The following STAT4 variants were observed in gnomAD, a reference collection of about 807,000 sequenced individuals.
STAT4 encodes signal transducer and activator of transcription 4.
In STAT4, 42 loss-of-function variants were observed where a neutral mutation model predicts 110.5. That is an observed-to-expected ratio of 0.38 (90% confidence interval 0.30 to 0.49). The LOEUF (loss-of-function observed/expected upper bound fraction) is 0.49, where lower values mean the gene tolerates loss of function less well. STAT4 is among the 20% of genes least tolerant of loss of function. STAT4 has a pLI of 0.95. For synonymous variants in STAT4, 284 were observed against 302.2 expected, an observed-to-expected ratio of 0.94 and a Z score of 0.63; for missense variants, 632 against 887.9, an observed-to-expected ratio of 0.71 and a Z score of 3.66.
At chr2:191,063,072 GTTTTTA>G in intron 8 of STAT4, 152 bp from the exon 9 acceptor site, 2 of 693,502 alleles carry the variant, frequency 2.9e-6, no homozygotes, top group Non-Finnish European at 4.1e-6. Flanking sequence ...GTTAGAGACA[GTTTTTA>G]TTTTTATTTT....
rs1467543821 is a variant in STAT4 at position 191,135,573 on chromosome 2, A to C, written c.273+11040T>G. Among the ~76,000 whole-genome samples, 2 of 152,170 alleles carry C rather than the reference A, an allele frequency of 1.3e-5. No individual in the cohort carries two copies. Among genetic ancestry groups the C allele is most frequent in the Non-Finnish European group, 2.9e-5 (2 of 68,040 alleles). ...ACTGCAACCTCCGCCTCCCAGGCTCAAGTGATTCTCCTCCTCATGAGTAGC... is the reference window on the plus strand; with the variant it reads ...ACTGCAACCTCCGCCTCCCAGGCTCCAGTGATTCTCCTCCTCATGAGTAGC... On this transcript the variant is annotated intron_variant, in intron 3 of 23. Coordinates refer to ENST00000392320, the MANE Select transcript of STAT4 (RefSeq NM_003151.4). This position sits in a 1 kb window ranked among gnomAD's most constrained non-coding sequence, Gnocchi z 4.8.
At chr2:191,076,458 T>C in intron 3 of STAT4, 133 bp from the exon 4 acceptor site, 1 of 673,654 alleles carries the variant, frequency 1.5e-6, no homozygotes, top group African/African-American at 1.8e-5. Context: ...TTTGTTCCAA[T>C]ACTCTGTTCC....
intron 3 of STAT4, among the ~76,000 whole-genome samples, chr2:191,106,219 G>A (rs1574160214): frequency 6.6e-6 from 1 of 152,098 alleles, no homozygotes. Flanking sequence ...AAAAGAAACC[G>A]TAACCCTTGG....
intron 3 of STAT4, among the ~76,000 whole-genome samples, chr2:191,129,668 C>T (rs1465786386): frequency 1.3e-5 from 2 of 152,182 alleles, no homozygotes; most frequent in African/African-American, 4.8e-5. Flanking sequence ...GTTCATTTAA[C>T]CGCCAGAATG....
In STAT4 at chr2:191,036,873, T is replaced by C. The variant is rs114098298; in HGVS notation, c.1435-574A>G. Among the ~76,000 whole-genome samples, 1,098 of 152,286 alleles carry C rather than the reference T, an allele frequency of 7.2e-3. 15 individuals are homozygous for C. Among genetic ancestry groups the C allele is most frequent in the African/African-American group, 0.023 (974 of 41,562 alleles). Reference sequence around the variant, plus strand: ...GTAATTCAATATATAGGATTCCTAATTTAAAGTCTTTTGGCCAACCTAAGT... The same window carrying C: ...GTAATTCAATATATAGGATTCCTAACTTAAAGTCTTTTGGCCAACCTAAGT... On this transcript the variant is annotated intron_variant, in intron 16 of 23. Coordinates refer to ENST00000392320, the MANE Select transcript of STAT4 (RefSeq NM_003151.4).
intron 3 of STAT4, among the ~76,000 whole-genome samples, chr2:191,111,147 G>T (rs1698411550): frequency 6.6e-6 from 1 of 152,132 alleles, no homozygotes; most frequent in African/African-American, 2.4e-5. Context: ...CAAAAATATA[G>T]ATTTTATATG....
In STAT4 at chr2:191,058,816, T is replaced by C; in HGVS notation, c.1035-47A>G. On this transcript the variant is annotated intron_variant, in intron 10 of 23. Coordinates refer to ENST00000392320, the MANE Select transcript of STAT4 (RefSeq NM_003151.4). This position sits in a 1 kb window ranked among gnomAD's most constrained non-coding sequence, Gnocchi z 4.3. ...AAAAATCAAAGATAAAAATTAAAAG[T>C]GTTTAAAAACCCTTTTTTATATTTA... The C allele has an allele frequency of 1.7e-6, 2 of 1,206,026 alleles. No individual in the cohort carries two copies. The highest frequency in any genetic ancestry group is 1.2e-6 in the Non-Finnish European group (1 of 841,956). The allele number at this position is 1,206,026 out of a possible 1,614,324, so 74.7% of individuals were successfully genotyped here.
intron 3 of STAT4, among the ~76,000 whole-genome samples, chr2:191,132,080 C>T (rs1169537296): frequency 2.0e-5 from 3 of 151,740 alleles, no homozygotes; most frequent in Admixed American, 6.6e-5. Flanking sequence ...TCATTCTTCA[C>T]ATTAAATCCT....
chr2:191,084,211 G>A (rs187001476), intron 3 of STAT4, among the ~76,000 whole-genome samples: 15 of 151,688 alleles, frequency 9.9e-5, no homozygotes, highest in African/African-American at 2.7e-4. Context: ...GCAGTGAGCC[G>A]AGATCATGCC....
At chr2:191,141,593 ATG>A (rs1286383829) in intron 3 of STAT4, among the ~76,000 whole-genome samples, 1 of 84,938 alleles carries the variant, frequency 1.2e-5, no homozygotes, top group African/African-American at 3.8e-5. Flanking sequence ...ATACATATAT[ATG>A]TGTATATATA....
At chr2:191,063,562 T>C (rs1696905579) in intron 8 of STAT4, among the ~76,000 whole-genome samples, 1 of 152,142 alleles carries the variant, frequency 6.6e-6, no homozygotes. Context: ...AAGATTGAAA[T>C]GGACACGGAA....
At position 191,050,887 on chromosome 2, in the gene STAT4, G is replaced by A. The variant is rs1574709292; in HGVS notation, c.1251+3603C>T. Among the ~76,000 whole-genome samples the A allele has an allele frequency of 6.6e-6, 1 of 152,180 alleles. No homozygotes were observed. Among genetic ancestry groups the A allele is most frequent in the Non-Finnish European group, 1.5e-5 (1 of 68,036 alleles). ...TCTTGGGTAATCTCAAACAGTCACAGGGTGCTGCAAATCTAGGGAGGTCTG... is the reference window on the plus strand; with the variant it reads ...TCTTGGGTAATCTCAAACAGTCACAAGGTGCTGCAAATCTAGGGAGGTCTG... On this transcript the variant is annotated intron_variant, in intron 14 of 23. Transcript: ENST00000392320. The surrounding 1 kb of genome is among the most constrained non-coding windows in gnomAD (Gnocchi z 4.3).
rs904210306 is a variant in STAT4 at position 191,144,401 on chromosome 2, C to A, written c.273+2212G>T. Among the ~76,000 whole-genome samples the A allele has an allele frequency of 6.6e-6, 1 of 152,000 alleles. No individual in the cohort carries two copies. Among genetic ancestry groups the A allele is most frequent in the Non-Finnish European group, 1.5e-5 (1 of 68,000 alleles). On this transcript the variant is annotated intron_variant, in intron 3 of 23. Coordinates refer to ENST00000392320, the MANE Select transcript of STAT4 (RefSeq NM_003151.4). This position sits in a 1 kb window ranked among gnomAD's most constrained non-coding sequence, Gnocchi z 4.7. The stretch of plus-strand genomic sequence containing the variant: ...GGAAGAGCATTCCTGGCCATAGGAC[C>A]GTCATGGACAAGGCTGAGTCATTCA...
At chr2:191,137,172 G>A (rs923461397) in intron 3 of STAT4, among the ~76,000 whole-genome samples, 6 of 151,908 alleles carry the variant, frequency 3.9e-5, no homozygotes, top group African/African-American at 1.2e-4. Flanking sequence ...GTGAAACCCC[G>A]TCTCTAGTAA....
At position 191,082,218 on chromosome 2, in the gene STAT4, C is replaced by T. The variant is rs1322142370; in HGVS notation, c.274-5893G>A. On this transcript the variant is annotated intron_variant, in intron 3 of 23. Coordinates refer to ENST00000392320, the MANE Select transcript of STAT4 (RefSeq NM_003151.4). The surrounding 1 kb of genome is among the most constrained non-coding windows in gnomAD (Gnocchi z 4.7). ...CATCCTATAAAGGATTTTATTGTTG[C>T]TTTCCAAGAAAACTTGGAATTTAGG... is the stretch of plus-strand genomic sequence containing the variant. Among the ~76,000 whole-genome samples, 4 of 152,256 alleles carry T rather than the reference C, an allele frequency of 2.6e-5. No individual in the cohort carries two copies. Among genetic ancestry groups the T allele is most frequent in the Admixed American group, 1.3e-4 (2 of 15,270 alleles).
intron 3 of STAT4, among the ~76,000 whole-genome samples, chr2:191,122,360 TTGA>T (rs1231462247): frequency 6.6e-6 from 1 of 151,474 alleles, no homozygotes; most frequent in Non-Finnish European, 1.5e-5. Flanking sequence ...ATAACATGTG[TTGA>T]CTAGGAAGTA....
chr2:191,127,349 A>G (rs1442643666), intron 3 of STAT4, among the ~76,000 whole-genome samples: 2 of 152,158 alleles, frequency 1.3e-5, no homozygotes, highest in African/African-American at 4.8e-5. Flanking sequence ...TCATGTTGTC[A>G]TGTTCTTGCT....
chr2:191,043,478 C>A lies in STAT4; in HGVS notation c.1252-2330G>T, dbSNP rs1696263301. 6.6e-6 allele frequency among the ~76,000 whole-genome samples: 1 copy of A among 152,098 alleles called. No homozygotes were observed. Among genetic ancestry groups the A allele is most frequent in the African/African-American group, 2.4e-5 (1 of 41,422 alleles). ...TTATATACCACTTATGCAATTGTTACAATCACTTTGGAGAACAATTCCTCA... is the reference window on the plus strand; with the variant it reads ...TTATATACCACTTATGCAATTGTTAAAATCACTTTGGAGAACAATTCCTCA... On this transcript the variant is annotated intron_variant, in intron 14 of 23. Coordinates refer to ENST00000392320, the MANE Select transcript of STAT4 (RefSeq NM_003151.4). The surrounding 1 kb of genome is among the most constrained non-coding windows in gnomAD (Gnocchi z 4.8).
Position 191,077,175 on chromosome 2 carries a change from T to G in STAT4, c.274-850A>C, listed in dbSNP as rs998995512. The stretch of plus-strand genomic sequence containing the variant: ...AGGTTAATGATGCAGATACTGTAAA[T>G]TGGCAGCCTGTGGGCCTAATTCAGC... On this transcript the variant is annotated intron_variant, in intron 3 of 23. Coordinates refer to ENST00000392320, the MANE Select transcript of STAT4 (RefSeq NM_003151.4). The surrounding 1 kb of genome is among the most constrained non-coding windows in gnomAD (Gnocchi z 4.1). Among the ~76,000 whole-genome samples, 3 of 152,190 alleles carry G rather than the reference T, an allele frequency of 2.0e-5. No individual in the cohort carries two copies. Among genetic ancestry groups the G allele is most frequent in the African/African-American group, 7.2e-5 (3 of 41,440 alleles).
Sources: gnomAD v4.1 joint callset for allele counts (sites outside exome capture counted in the v4.1 genomes callset) on GRCh38, gnomAD v4.1.1 for gene constraint, Gnocchi (gnomAD v3.1) non-coding constraint, MANE v1.5 for transcripts, NCBI Gene and HGNC (gene_info 2026-07-23, HGNC 2026-07-21) for gene names.